The following SOCS2 variants were observed in gnomAD, a reference collection of about 807,000 sequenced individuals.
SOCS2 encodes suppressor of cytokine signaling 2.
Under a neutral mutation model 18.6 loss-of-function variants are expected in SOCS2, and 10 were observed. The observed-to-expected ratio is 0.54, with a 90% CI of 0.33 to 0.91. SOCS2 has a LOEUF of 0.91. Ranked by LOEUF, SOCS2 falls within the 40% of genes least tolerant of loss-of-function variation. The pLI is 0.02. For missense variants in SOCS2, 231 were observed against 247.2 expected (o/e 0.93, Z 0.44); for synonymous variants, 104 against 104.0 (o/e 1.00, Z 0.00).
upstream of SOCS2, chr12:93,571,922 C>T (rs770208121): frequency 7.1e-6 from 3 of 424,932 alleles, no homozygotes; most frequent in South Asian, 1.6e-5. Flanking sequence ...GAGGTAAGAG[C>T]GCGGCGTTGG....
chr12:93,575,230 C>T lies in SOCS2; in HGVS notation c.*51C>T. ...TCACATAGAGTATCTCCGAATGCAG[C>T]TATGTAAAAGAGAACCAAAACTTGA... On this transcript the variant is annotated 3_prime_UTR_variant, in exon 2 of 2. Transcript: ENST00000551556. 1 of 1,372,578 alleles carries T rather than the reference C, an allele frequency of 7.3e-7. No individual in the cohort carries two copies. Among genetic ancestry groups the T allele is most frequent in the Non-Finnish European group, 9.8e-7 (1 of 1,022,564 alleles). 85.0% of individuals were successfully genotyped at this position (1,372,578 alleles called of 1,614,324 possible).
chr12:93,584,474 C>G (rs1954571735), downstream of SOCS2, among the ~76,000 whole-genome samples: 1 of 152,188 alleles, frequency 6.6e-6, no homozygotes, highest in Non-Finnish European at 1.5e-5. Flanking sequence ...CACTCTGACT[C>G]AAAAGCCATG....
At chr12:93,602,226 C>T in the SOCS2 span, among the ~76,000 whole-genome samples, 1 of 152,290 alleles carries the variant, frequency 6.6e-6, no homozygotes, top group East Asian at 1.9e-4. Context: ...TCCTAGACTA[C>T]AGGTGTGTGC....
the SOCS2 span, among the ~76,000 whole-genome samples, chr12:93,625,432 GA>G: frequency 4.8e-4 from 73 of 152,084 alleles, no homozygotes; most frequent in African/African-American, 1.7e-3. Flanking sequence ...TCAAACTCAG[GA>G]TTCAGCCCTT....
downstream of SOCS2, among the ~76,000 whole-genome samples, chr12:93,585,615 A>G (rs1954579859): frequency 6.6e-6 from 1 of 152,156 alleles, no homozygotes; most frequent in African/African-American, 2.4e-5. Context: ...GGCAAATCTG[A>G]CTTCACGTAA....
At chr12:93,607,329 A>G in the SOCS2 span, among the ~76,000 whole-genome samples, 1 of 152,220 alleles carries the variant, frequency 6.6e-6, no homozygotes, top group Non-Finnish European at 1.5e-5. Flanking sequence ...CTTCCATGAA[A>G]CACAATTTGA....
At chr12:93,623,754 A>G in the SOCS2 span, among the ~76,000 whole-genome samples, 6 of 151,970 alleles carry the variant, frequency 3.9e-5, no homozygotes, top group Non-Finnish European at 7.4e-5. Flanking sequence ...CTGCCCACGC[A>G]GGAGTGCAAT....
the SOCS2 span, among the ~76,000 whole-genome samples, chr12:93,588,885 G>A: frequency 1.1e-4 from 17 of 152,166 alleles, no homozygotes; most frequent in Admixed American, 9.8e-4. Context: ...GCCTCCCAAA[G>A]TGCTGGGATT....
chr12:93,572,639 A>C, upstream of SOCS2: 1 of 666,416 alleles, frequency 1.5e-6, no homozygotes, highest in Non-Finnish European at 2.8e-6. This position sits in a 1 kb window ranked among gnomAD's most constrained non-coding sequence, Gnocchi z 5.0. Context: ...CCCCAGCCGC[A>C]GGGGTCCAGT....
chr12:93,578,782 A>G (rs537200219), downstream of SOCS2, among the ~76,000 whole-genome samples: 2 of 152,100 alleles, frequency 1.3e-5, no homozygotes, highest in African/African-American at 4.8e-5. Context: ...TAGGATTACT[A>G]TTTGTAAAAG....
At chr12:93,621,929 C>G in the SOCS2 span, among the ~76,000 whole-genome samples, 1 of 152,178 alleles carries the variant, frequency 6.6e-6, no homozygotes, top group Non-Finnish European at 1.5e-5. Flanking sequence ...GTGCCTGACA[C>G]ATATTAAGTG....
chr12:93,618,124 G>A, the SOCS2 span, among the ~76,000 whole-genome samples: 153 of 152,114 alleles, frequency 1.0e-3, 1 homozygote, highest in African/African-American at 3.3e-3. Flanking sequence ...TCTCTCTTCC[G>A]CCTGCTCTGG....
chr12:93,614,759 C>T, the SOCS2 span, among the ~76,000 whole-genome samples: 4 of 150,654 alleles, frequency 2.7e-5, no homozygotes, highest in East Asian at 3.9e-4. Flanking sequence ...GCATTACAGG[C>T]GCCTGCCACC....
the SOCS2 span, among the ~76,000 whole-genome samples, chr12:93,596,151 G>A: frequency 2.0e-5 from 3 of 152,174 alleles, no homozygotes; most frequent in African/African-American, 7.2e-5. Flanking sequence ...TTATTTCACA[G>A]GTATTAGGCT....
chr12:93,572,621 C>T, upstream of SOCS2: 1 of 656,740 alleles, frequency 1.5e-6, no homozygotes, highest in Non-Finnish European at 2.8e-6. This position sits in a 1 kb window ranked among gnomAD's most constrained non-coding sequence, Gnocchi z 5.0. Flanking sequence ...TCTATTTCCC[C>T]ACCCCCACCC....
At chr12:93,620,001 A>C in the SOCS2 span, among the ~76,000 whole-genome samples, 2 of 152,206 alleles carry the variant, frequency 1.3e-5, no homozygotes, top group Non-Finnish European at 2.9e-5. Context: ...AGAGCTTCTC[A>C]TCTCCTCAAC....
At chr12:93,610,593 T>C in the SOCS2 span, among the ~76,000 whole-genome samples, 1 of 152,148 alleles carries the variant, frequency 6.6e-6, no homozygotes, top group African/African-American at 2.4e-5. Flanking sequence ...TTTTGGAAAG[T>C]GATTGAGTCA....
At chr12:93,617,112 A>G in the SOCS2 span, among the ~76,000 whole-genome samples, 1 of 152,190 alleles carries the variant, frequency 6.6e-6, no homozygotes, top group African/African-American at 2.4e-5. Context: ...GTGATATGCT[A>G]AGCAGACTGT....
the SOCS2 span, among the ~76,000 whole-genome samples, chr12:93,588,539 G>C: frequency 6.6e-6 from 1 of 152,072 alleles, no homozygotes; most frequent in Admixed American, 6.5e-5. Context: ...GAGGAGGTCA[G>C]TGTAGCCTAA....
Sources: allele counts gnomAD v4.1 joint callset (sites outside exome capture counted in the v4.1 genomes callset), GRCh38; gene constraint gnomAD v4.1.1; non-coding constraint Gnocchi (gnomAD v3.1); transcripts MANE v1.5; gene names NCBI Gene and HGNC (gene_info 2026-07-23, HGNC 2026-07-21).